Variants in RANBP2 observed in about 807,000 individuals in gnomAD.
The protein encoded by RANBP2 is RAN binding protein 2.
RANBP2 carries 57 observed loss-of-function variants against 303.6 expected under a neutral mutation model. The observed-to-expected ratio is 0.19, with a 90% CI of 0.15 to 0.23. RANBP2 has a LOEUF of 0.23. RANBP2 is among the 10% of genes least tolerant of loss of function. The pLI, the probability that RANBP2 is intolerant of heterozygous loss-of-function variation, is 1.00. For missense variants in RANBP2, 3,138 were observed against 3,780.8 expected (o/e 0.83, Z 4.46); for synonymous variants, 1,167 against 1,301.5 (o/e 0.90, Z 2.23).
At chr2:109,298,704 C>T in the RANBP2 span, among the ~76,000 whole-genome samples, 2 of 152,230 alleles carry the variant, frequency 1.3e-5, no homozygotes, top group East Asian at 3.9e-4. Flanking sequence ...AGGTCCGTTT[C>T]CCCACACTGA....
the RANBP2 span, among the ~76,000 whole-genome samples, chr2:108,891,330 C>G: frequency 6.6e-6 from 1 of 152,144 alleles, no homozygotes; most frequent in Non-Finnish European, 1.5e-5. Context: ...TAGAAGAAGA[C>G]TTTTTCCTAA....
the RANBP2 span, among the ~76,000 whole-genome samples, chr2:109,487,613 A>C: frequency 3.3e-5 from 5 of 152,218 alleles, no homozygotes; most frequent in Admixed American, 2.6e-4. Context: ...TCCAAAGCAG[A>C]CAGCTAAGGT....
intron 12 of RANBP2, among the ~76,000 whole-genome samples, chr2:108,752,787 T>C (rs964826240): frequency 1.1e-4 from 16 of 151,388 alleles, no homozygotes; most frequent in African/African-American, 3.9e-4. Context: ...AGCAAGACTC[T>C]GTCTCAAAAA....
chr2:108,826,021 T>A, the RANBP2 span, among the ~76,000 whole-genome samples: 1 of 152,220 alleles, frequency 6.6e-6, no homozygotes. Context: ...TTGAACATCA[T>A]TTCATGTGCT....
chr2:108,901,215 C>T, the RANBP2 span, among the ~76,000 whole-genome samples: 1 of 152,102 alleles, frequency 6.6e-6, no homozygotes, highest in Non-Finnish European at 1.5e-5. Flanking sequence ...CACTTGAAAA[C>T]CAGACAACAG....
the RANBP2 span, among the ~76,000 whole-genome samples, chr2:109,507,823 C>T: frequency 7.9e-5 from 12 of 151,866 alleles, no homozygotes; most frequent in East Asian, 3.9e-4. Flanking sequence ...GACAATCAGA[C>T]GTGTGCAAAT....
rs1265691982 is a variant in RANBP2, at chr2:108,751,991, A to G, written c.1752A>G (p.Lys584=). Residue 584 remains lysine, a synonymous_variant, in exon 12 of 29, where the codon AAA becomes AAG. Coordinates refer to ENST00000283195, the MANE Select transcript of RANBP2 (RefSeq NM_006267.5). The part of the protein sequence containing the change: ...LLVHWAECLQ[K]TGSGLNSFYD... ...TACATTGGGCAGAATGCCTTCAGAAAACGGTGAGTTTTAAAGTATAAGCAT... is the reference window on the plus strand; with the variant it reads ...TACATTGGGCAGAATGCCTTCAGAAGACGGTGAGTTTTAAAGTATAAGCAT... 8.7e-6 allele frequency: 14 copies of G among 1,611,954 alleles called. No homozygotes were observed. The South Asian group carries it at 1.3e-4, about 15-fold the overall frequency.
the RANBP2 span, among the ~76,000 whole-genome samples, chr2:109,554,196 G>C: frequency 6.6e-6 from 1 of 152,224 alleles, no homozygotes; most frequent in East Asian, 1.9e-4. Flanking sequence ...CATTATGGTG[G>C]AGGTGAAATC....
At chr2:109,225,405 G>A in the RANBP2 span, among the ~76,000 whole-genome samples, 1 of 152,012 alleles carries the variant, frequency 6.6e-6, no homozygotes, top group African/African-American at 2.4e-5. Context: ...CCCGAAATCT[G>A]CACGTTAACA....
the RANBP2 span, among the ~76,000 whole-genome samples, chr2:109,525,090 T>C: frequency 6.6e-6 from 1 of 151,956 alleles, no homozygotes; most frequent in Non-Finnish European, 1.5e-5. Context: ...TTTTTTTTTT[T>C]TTTTTTGTGG....
chr2:109,292,659 C>T, the RANBP2 span, among the ~76,000 whole-genome samples: 1 of 152,156 alleles, frequency 6.6e-6, no homozygotes, highest in South Asian at 2.1e-4. Context: ...CCTAGAAAAG[C>T]GTCTTTTTGG....
the RANBP2 span, among the ~76,000 whole-genome samples, chr2:109,768,660 A>G: frequency 7.7e-6 from 1 of 129,726 alleles, no homozygotes; most frequent in Non-Finnish European, 1.7e-5. Context: ...AAGCCCTTTC[A>G]AAATTTGCAT....
chr2:109,197,474 C>A, the RANBP2 span, among the ~76,000 whole-genome samples: 28 of 152,186 alleles, frequency 1.8e-4, no homozygotes, highest in Non-Finnish European at 2.1e-4. Flanking sequence ...CTCTCCCCAA[C>A]CCCAGCAAAT....
At chr2:109,471,448 A>G in the RANBP2 span, among the ~76,000 whole-genome samples, 2 of 152,176 alleles carry the variant, frequency 1.3e-5, no homozygotes, top group African/African-American at 4.8e-5. Context: ...CACTATCACA[A>G]GAACAGCATG....
At chr2:109,105,223 A>G in the RANBP2 span, among the ~76,000 whole-genome samples, 1 of 152,226 alleles carries the variant, frequency 6.6e-6, no homozygotes, top group African/African-American at 2.4e-5. Flanking sequence ...CATGTGCATT[A>G]AGAGGCAAAA....
intron 1 of RANBP2, among the ~76,000 whole-genome samples, chr2:108,721,347 G>A (rs1694229271): frequency 6.6e-6 from 1 of 152,284 alleles, no homozygotes; most frequent in Non-Finnish European, 1.5e-5. Context: ...ATTTCAAACT[G>A]CTAGCATAGT....
chr2:109,680,765 CA>C, the RANBP2 span, among the ~76,000 whole-genome samples: 1 of 152,084 alleles, frequency 6.6e-6, no homozygotes, highest in Admixed American at 6.5e-5. Context: ...GATTACTTTG[CA>C]AAAAATTGTA....
At chr2:109,278,697 A>T in the RANBP2 span, among the ~76,000 whole-genome samples, 2 of 152,220 alleles carry the variant, frequency 1.3e-5, no homozygotes, top group African/African-American at 4.8e-5. Flanking sequence ...TCTTTGGACC[A>T]GCAGCTTCCA....
the RANBP2 span, among the ~76,000 whole-genome samples, chr2:109,487,243 C>T: frequency 6.6e-6 from 1 of 152,224 alleles, no homozygotes; most frequent in Non-Finnish European, 1.5e-5. Flanking sequence ...CTCTTCTCCT[C>T]CCACGGTGTT....
Sources: gnomAD v4.1 joint callset for allele counts (sites outside exome capture counted in the v4.1 genomes callset) on GRCh38, gnomAD v4.1.1 for gene constraint, MANE v1.5 for transcripts, NCBI Gene and HGNC (gene_info 2026-07-23, HGNC 2026-07-21) for gene names.